ABHD10: variants seen among roughly 807,000 people sequenced by gnomAD.
ABHD10 encodes the protein palmitoyl-protein thioesterase ABHD10, mitochondrial.
A neutral mutation model predicts 33.1 loss-of-function variants in ABHD10; 22 were observed. That is an observed-to-expected ratio of 0.66 (90% CI 0.47 to 0.95). ABHD10 has a LOEUF of 0.95. Ranked by LOEUF, ABHD10 falls within the 40% of genes least tolerant of loss-of-function variation. The probability of loss-of-function intolerance (pLI) is 0.00; values close to 1 mark genes in which losing one functional copy is unlikely to be tolerated. For missense variants in ABHD10, 352 were observed against 379.9 expected (o/e 0.93, Z 0.61); for synonymous variants, 146 against 133.9 (o/e 1.09, Z -0.62).
chr3:111,986,856 T>C, intron 3 of ABHD10, 58 bp from the exon 4 acceptor site: 1 of 1,327,046 alleles, frequency 7.5e-7, no homozygotes, highest in Non-Finnish European at 1.0e-6. Context: ...TATTTTGTTT[T>C]ATGTTTATAA....
At chr3:111,980,579 A>T (rs1241712896) in intron 1 of ABHD10, among the ~76,000 whole-genome samples, 1 of 152,150 alleles carries the variant, frequency 6.6e-6, no homozygotes, top group Non-Finnish European at 1.5e-5. Context: ...TGACTCTTTT[A>T]AAAAAATATC....
chr3:111,982,150 G>T (rs944576823), intron 2 of ABHD10, 183 bp downstream of exon 2: 20 of 459,494 alleles, frequency 4.4e-5, no homozygotes, highest in Non-Finnish European at 6.4e-5. Flanking sequence ...TTTTTTAAAG[G>T]CCTTTGTGCC....
At position 111,991,619 on chromosome 3, in the gene ABHD10, C is replaced by T. The variant is rs762993817; in HGVS notation, c.819C>T (p.Leu273=). The T allele has an allele frequency of 1.9e-6, 3 of 1,614,044 alleles. No homozygotes were observed. Among genetic ancestry groups the T allele is most frequent in the Non-Finnish European group, 1.7e-6 (2 of 1,179,948 alleles). The change falls in exon 5 of 5, where the codon CTC becomes CTT. Residue 273 remains leucine, a synonymous_variant. Coordinates refer to ENST00000273359, the MANE Select transcript of ABHD10 (RefSeq NM_018394.4). ...RVLSTDVDVI[L]RKHSDHRMRE... ...TCAGCACAGATGTGGATGTCATCCT[C>T]CGAAAACACAGTGATCACCGAATGA...
chr3:111,991,267 CTCTA>C (rs1478794200), intron 4 of ABHD10, 106 bp from the exon 5 acceptor site: 2 of 866,066 alleles, frequency 2.3e-6, no homozygotes, highest in African/African-American at 1.7e-5. Flanking sequence ...CTTTTGTTAT[CTCTA>C]TCCTCTTATT....
chr3:111,984,835 A>T (rs1177176586), intron 2 of ABHD10, among the ~76,000 whole-genome samples: 2 of 152,188 alleles, frequency 1.3e-5, no homozygotes, highest in African/African-American at 4.8e-5. Flanking sequence ...CACCTACACC[A>T]AGATACTGGA....
At chr3:111,985,390 G>C (rs2072643065) in intron 2 of ABHD10, among the ~76,000 whole-genome samples, 1 of 152,130 alleles carries the variant, frequency 6.6e-6, no homozygotes, top group Non-Finnish European at 1.5e-5. Context: ...GGATGGGTTG[G>C]TGATGATGAA....
rs75172321 is a variant in ABHD10 at position 111,983,351 on chromosome 3, G to A, written c.326+1384G>A. Among the ~76,000 whole-genome samples, 808 of 152,106 alleles carry A rather than the reference G, an allele frequency of 5.3e-3. 11 individuals are homozygous for A. The highest frequency in any genetic ancestry group is 0.018 in the African/African-American group (735 of 41,526). On this transcript the variant is annotated intron_variant, in intron 2 of 4. Transcript: ENST00000273359. ...TTTTGCCACTGAATAAATTTGAATC[G>A]AGAAATCACCATTTTACCAGTTCTA...
intron 4 of ABHD10, chr3:111,990,781 C>T: frequency 1.7e-6 from 2 of 1,172,814 alleles, no homozygotes; most frequent in Non-Finnish European, 2.3e-6. Flanking sequence ...AATGTAATTA[C>T]TCTTATTTTT....
At chr3:111,989,214 A>G (rs1055388261) in intron 4 of ABHD10, among the ~76,000 whole-genome samples, 1 of 152,212 alleles carries the variant, frequency 6.6e-6, no homozygotes, top group African/African-American at 2.4e-5. Flanking sequence ...TTCTTCTCTA[A>G]GAACTTGACC....
chr3:111,982,853 A>T (rs2072603218), intron 2 of ABHD10, among the ~76,000 whole-genome samples: 1 of 152,166 alleles, frequency 6.6e-6, no homozygotes, highest in African/African-American at 2.4e-5. Context: ...TACCTGTTCA[A>T]TATATTAGCA....
chr3:111,983,405 A>G (rs897141309), intron 2 of ABHD10, among the ~76,000 whole-genome samples: 2 of 152,186 alleles, frequency 1.3e-5, no homozygotes, highest in Non-Finnish European at 2.9e-5. Context: ...TATGAGAGTT[A>G]TAACCAGTTC....
rs142148582 is a variant in ABHD10, at chr3:111,992,775, G to A, written c.*1054G>A. ...ATGAGCATGTGTCGAAGACTTATTC[G>A]ACTCATTAATGAGGAAACCAGCAGA... On this transcript the variant is annotated 3_prime_UTR_variant, in exon 5 of 5. Transcript: ENST00000273359. 3 of 152,200 alleles carry A rather than the reference G, an allele frequency of 2.0e-5. No homozygotes were observed. Among genetic ancestry groups the A allele is most frequent in the Non-Finnish European group, 4.4e-5 (3 of 68,024 alleles). 9.4% of individuals were successfully genotyped at this position (152,200 alleles called of 1,614,324 possible). A position where few individuals can be genotyped will look rare whatever the true frequency, so the allele number is the denominator to read the frequency against.
chr3:111,980,795 T>C lies in ABHD10; in HGVS notation c.143-989T>C, dbSNP rs534206823. On this transcript the variant is annotated intron_variant, in intron 1 of 4. Transcript: ENST00000273359. ...AGAAATCTCTTTCCAAAAACGATAC[T>C]ATCATATGTTGTTTTTAAAGAAACT... is the stretch of plus-strand genomic sequence containing the variant. Among the ~76,000 whole-genome samples the C allele has an allele frequency of 2.6e-5, 4 of 152,232 alleles. No homozygotes were observed. In the East Asian group the frequency reaches 7.7e-4, roughly 29 times the overall value.
chr3:111,991,566 A>T lies in ABHD10; in HGVS notation c.766A>T (p.Thr256Ser). Residue 256 changes from threonine (T) to serine (S), a missense_variant, in exon 5 of 5, where the codon ACA becomes TCA. Thr to Ser is a moderately conservative substitution (Grantham distance 58). Transcript: ENST00000273359. The stretch of plus-strand genomic sequence containing the variant: ...GAAGGATGACATTGTACCTTGGCAT[A>T]CATCAATGCAGGTTGCCGATCGAGT... ...GMKDDIVPWHTSMQVADRVLS... is the reference protein window; with the variant it reads ...GMKDDIVPWHSSMQVADRVLS... The T allele has an allele frequency of 6.2e-7, 1 of 1,614,178 alleles. No homozygotes were observed. The highest frequency in any genetic ancestry group is 1.1e-5 in the South Asian group (1 of 91,088).
Position 111,992,092 on chromosome 3 carries a change from A to G in ABHD10, c.*371A>G, listed in dbSNP as rs1472400069. The G allele has an allele frequency of 6.3e-6, 1 of 158,854 alleles. No individual in the cohort carries two copies. The highest frequency in any genetic ancestry group is 6.5e-5 in the Admixed American group (1 of 15,386). 9.8% of individuals were successfully genotyped at this position (158,854 alleles called of 1,614,324 possible). On this transcript the variant is annotated 3_prime_UTR_variant, in exon 5 of 5. Coordinates refer to ENST00000273359, the MANE Select transcript of ABHD10 (RefSeq NM_018394.4). ...TTTTTATTATAGACAGAAATTTGTA[A>G]CATTACTTCTGATTTGAAAATGCAA...
intron 3 of ABHD10, 152 bp from the exon 4 acceptor site, chr3:111,986,762 T>G: frequency 3.0e-6 from 2 of 676,140 alleles, no homozygotes; most frequent in Non-Finnish European, 4.5e-6. Flanking sequence ...TATGAAAATG[T>G]TTTTATTTAA....
intron 4 of ABHD10, among the ~76,000 whole-genome samples, chr3:111,989,159 A>G (rs1266703756): frequency 6.6e-6 from 1 of 152,084 alleles, no homozygotes; most frequent in East Asian, 1.9e-4. Flanking sequence ...GGAGATTTTT[A>G]CTATCTTTTA....
chr3:111,986,190 G>A (rs2072656958), intron 2 of ABHD10, 74 bp from the exon 3 acceptor site: 3 of 777,452 alleles, frequency 3.9e-6, no homozygotes, highest in South Asian at 3.5e-5. Context: ...AATGAGGAAG[G>A]TGCTATCTTT....
chr3:111,985,567 C>G (rs2072646525), intron 2 of ABHD10, among the ~76,000 whole-genome samples: 1 of 152,152 alleles, frequency 6.6e-6, no homozygotes, highest in South Asian at 2.1e-4. Context: ...TCAAATATAT[C>G]TCAAGTAGTA....
Sources: gnomAD v4.1 joint callset for allele counts (sites outside exome capture counted in the v4.1 genomes callset) on GRCh38, gnomAD v4.1.1 for gene constraint, MANE v1.5 for transcripts, NCBI Gene and HGNC (gene_info 2026-07-23, HGNC 2026-07-21) for gene names.